The following MAP2K3 variants were observed in gnomAD, a reference collection of about 807,000 sequenced individuals.
MAP2K3 encodes the protein mitogen-activated protein kinase kinase 3, also known as dual specificity mitogen-activated protein kinase kinase 3.
In MAP2K3, 30 loss-of-function variants were observed where a neutral mutation model predicts 46.4. That is an observed-to-expected ratio of 0.65 (90% CI 0.48 to 0.88). MAP2K3 has a LOEUF of 0.88. Among genes scored for constraint, MAP2K3 ranks in the 40% least tolerant of loss-of-function variants. MAP2K3 has a pLI of 0.00. For synonymous variants in MAP2K3, 189 were observed against 176.3 expected (o/e 1.07, Z -0.57); for missense variants, 380 against 464.5 (o/e 0.82, Z 1.67).
chr17:21,292,386 C>A (rs1289588889), intron 1 of MAP2K3, among the ~76,000 whole-genome samples: 5 of 151,432 alleles, frequency 3.3e-5, no homozygotes, highest in Non-Finnish European at 5.9e-5. Flanking sequence ...CCTTCTTCTT[C>A]TCATTTTTTT....
At position 21,314,374 on chromosome 17, in the gene MAP2K3, G is replaced by A. The variant is rs1977310482; in HGVS notation, c.*144G>A. ...GAGGGGGCTGCTCCCACCTGGCTCT[G>A]TGGCGAGCCATTTGTCCCAAGTGCC... is the stretch of plus-strand genomic sequence containing the variant. On this transcript the variant is annotated 3_prime_UTR_variant, in exon 12 of 12. Coordinates refer to ENST00000342679, the MANE Select transcript of MAP2K3 (RefSeq NM_145109.3). 9.5e-6 allele frequency: 7 copies of A among 735,200 alleles called. No homozygotes were observed. The South Asian group carries it at 1.1e-4, about 12-fold the overall frequency. The allele number at this position is 735,200 out of a possible 1,614,324, so 45.5% of individuals were successfully genotyped here.
rs531001365 is a variant in MAP2K3, at chr17:21,298,693, C to T, written c.117-185C>T. Among the ~76,000 whole-genome samples the T allele has an allele frequency of 2.6e-5, 4 of 152,428 alleles. No homozygotes were observed. In the South Asian group the frequency reaches 6.2e-4, roughly 24 times the overall value. On this transcript the variant is annotated intron_variant, in intron 2 of 11. Coordinates refer to ENST00000342679, the MANE Select transcript of MAP2K3 (RefSeq NM_145109.3). Reference sequence around the variant, plus strand: ...CACTTCTCACCCTGTCTTGGAGGCTCGATGAGGCCGTGCCCAGCTCAGTGT... The same window carrying T: ...CACTTCTCACCCTGTCTTGGAGGCTTGATGAGGCCGTGCCCAGCTCAGTGT...
intron 1 of MAP2K3, chr17:21,295,883 C>A: frequency 7.8e-7 from 1 of 1,280,624 alleles, no homozygotes; most frequent in Non-Finnish European, 1.0e-6. Context: ...AGAGAGAGTG[C>A]AGGGAGGGTG....
At chr17:21,289,323 C>T (rs936426601) in intron 1 of MAP2K3, among the ~76,000 whole-genome samples, 4 of 151,888 alleles carry the variant, frequency 2.6e-5, no homozygotes, top group African/African-American at 7.3e-5. Flanking sequence ...ATTAACAGGA[C>T]GAATATGGGG....
At chr17:21,288,708 C>T (rs530181233) in intron 1 of MAP2K3, among the ~76,000 whole-genome samples, 1 of 152,238 alleles carries the variant, frequency 6.6e-6, no homozygotes, top group African/African-American at 2.4e-5. Flanking sequence ...GAATGGGGAC[C>T]CTGCTTGTCT....
rs1334457404 is a variant in MAP2K3 at position 21,293,253 on chromosome 17, GC to G, written c.50-5155del. On this transcript the variant is annotated intron_variant, in intron 1 of 11. Coordinates refer to ENST00000342679, the MANE Select transcript of MAP2K3 (RefSeq NM_145109.3). ...TGATGCCCGCAGCCACCTGCTGTGG[GC>G]CCCCTGTCTTTCACGTGCCTTGTGC... Among the ~76,000 whole-genome samples the G allele has an allele frequency of 9.8e-5, 15 of 152,416 alleles. No individual in the cohort carries two copies. In the South Asian group the frequency reaches 3.1e-3, roughly 32 times the overall value.
At position 21,298,442 on chromosome 17, in the gene MAP2K3, A is replaced by G. The variant is rs1340112579; in HGVS notation, c.79A>G (p.Ile27Val). ...ATCCAAGAGGAAGAAGGATCTACGG[A>G]TATCCTGCATGTCCAAGCCACCCGC... ...GKSKRKKDLR[I>V]SCMSKPPAPN... Residue 27 changes from isoleucine (I) to valine (V), a missense_variant, in exon 2 of 12, where the codon ATA (isoleucine) becomes GTA (valine). Around this residue, in one of 5 missense-constraint regions of MAP2K3, gnomAD observed 294 missense variants for 275.4 expected, o/e 1.07. Transcript: ENST00000342679. The G allele has an allele frequency of 8.7e-6, 14 of 1,614,190 alleles. No homozygotes were observed. The highest frequency in any genetic ancestry group is 1.2e-5 in the Non-Finnish European group (14 of 1,180,058).
At chr17:21,298,579 C>T (rs1254925604) in intron 2 of MAP2K3, 100 bp downstream of exon 2, 1 of 1,585,724 alleles carries the variant, frequency 6.3e-7, no homozygotes, top group Non-Finnish European at 8.7e-7. Context: ...CCCTGCTTTA[C>T]CTCGTCCTGT....
chr17:21,300,066 G>C (rs1292634092), intron 3 of MAP2K3, among the ~76,000 whole-genome samples: 1 of 152,312 alleles, frequency 6.6e-6, no homozygotes. Context: ...ACCATCTGCT[G>C]TCCTGTTCAT....
At chr17:21,297,937 G>T (rs1354254710) in intron 1 of MAP2K3, among the ~76,000 whole-genome samples, 3 of 152,300 alleles carry the variant, frequency 2.0e-5, no homozygotes, top group Admixed American at 2.0e-4. Flanking sequence ...ACCGCCTGTT[G>T]CCCTTTCTGG....
intron 1 of MAP2K3, among the ~76,000 whole-genome samples, chr17:21,287,477 G>A (rs951836143): frequency 2.6e-5 from 4 of 152,244 alleles, no homozygotes; most frequent in Non-Finnish European, 5.9e-5. Context: ...AGTGGCTGGC[G>A]CTTGACCTTA....
chr17:21,301,363 A>ATCTGGAT (rs1976590310), intron 5 of MAP2K3, among the ~76,000 whole-genome samples: 1 of 152,302 alleles, frequency 6.6e-6, no homozygotes, highest in African/African-American at 2.4e-5. Context: ...GAGATATGAG[A>ATCTGGAT]TCTGGATTCT....
chr17:21,296,470 C>T (rs1013690635), intron 1 of MAP2K3, among the ~76,000 whole-genome samples: 2 of 152,310 alleles, frequency 1.3e-5, no homozygotes, highest in Admixed American at 6.5e-5. Context: ...TCTTGTTGAG[C>T]ACGAGACTTG....
At chr17:21,288,053 C>G (rs535059033) in intron 1 of MAP2K3, 1 of 1,289,180 alleles carries the variant, frequency 7.8e-7, no homozygotes, top group Non-Finnish European at 1.0e-6. Flanking sequence ...TCAGTTGGCC[C>G]GTGTGAGGAG....
intron 1 of MAP2K3, among the ~76,000 whole-genome samples, chr17:21,285,671 T>C (rs1452084154): frequency 6.6e-6 from 1 of 152,018 alleles, no homozygotes; most frequent in African/African-American, 2.4e-5. Context: ...TCTACCGGCC[T>C]CTCTCTGTCT....
At chr17:21,304,184 G>A (rs531035549) in intron 7 of MAP2K3, among the ~76,000 whole-genome samples, 42 of 152,406 alleles carry the variant, frequency 2.8e-4, no homozygotes, top group African/African-American at 7.9e-4. Flanking sequence ...TGGCCGGGCC[G>A]GGCTGGGCAC....
At chr17:21,301,345 C>T (rs1025524787) in intron 5 of MAP2K3, among the ~76,000 whole-genome samples, 518 of 152,146 alleles carry the variant, frequency 3.4e-3, no homozygotes, top group African/African-American at 0.012. Context: ...AAGCAGGCAA[C>T]GGCCATGGAG....
At chr17:21,293,864 G>A (rs2045825853) in intron 1 of MAP2K3, among the ~76,000 whole-genome samples, 1 of 152,312 alleles carries the variant, frequency 6.6e-6, no homozygotes, top group Non-Finnish European at 1.5e-5. Flanking sequence ...CCTTCCCCTT[G>A]TCCTGCATCC....
intron 1 of MAP2K3, chr17:21,291,511 G>A (rs1192467011): frequency 2.0e-5 from 9 of 456,402 alleles, no homozygotes; most frequent in South Asian, 1.4e-4. Context: ...GGCCCACGTG[G>A]GGACCTTTGG....
Sources: gnomAD v4.1 joint callset for allele counts (sites outside exome capture counted in the v4.1 genomes callset) on GRCh38, gnomAD v4.1.1 for gene constraint, gnomAD v4.1.1 regional missense constraint, MANE v1.5 for transcripts, NCBI Gene and HGNC (gene_info 2026-07-23, HGNC 2026-07-21) for gene names.